Variants in PCDHA10 observed in about 807,000 individuals in gnomAD.
PCDHA10 encodes protocadherin alpha-10.
In PCDHA10, 45 loss-of-function variants were observed where a neutral mutation model predicts 61.2. The ratio of observed to expected loss-of-function variants is 0.74; its 90% CI spans 0.58 to 0.94. The LOEUF is 0.94. Ranked by LOEUF, PCDHA10 falls within the 40% of genes least tolerant of loss-of-function variation. The probability of loss-of-function intolerance (pLI) is 0.00; values close to 1 mark genes in which losing one functional copy is unlikely to be tolerated. For synonymous variants in PCDHA10, 602 were observed against 548.8 expected, an observed-to-expected ratio of 1.10 and a Z score of -1.35; for missense variants, 1,278 against 1,236.2, an observed-to-expected ratio of 1.03 and a Z score of -0.51.
At position 140,992,017 on chromosome 5, in the gene PCDHA10, CTGTGTGTG is replaced by C. The variant is rs10602499; in HGVS notation, c.2536+9484_2536+9491del. On this transcript the variant is annotated intron_variant, in intron 3 of 3. Coordinates refer to ENST00000307360, the MANE Select transcript of PCDHA10 (RefSeq NM_018901.4). ...CTTTCATGTTCAGGCAGAGGTGGCT[CTGTGTGTG>C]TGTGTGTGTGTGTGTGTGTGTGTGT... Among the ~76,000 whole-genome samples the C allele has an allele frequency of 9.8e-4, 142 of 145,616 alleles. No homozygotes were observed. The East Asian group carries it at 1.0e-2, about 10-fold the overall frequency.
intron 1 of PCDHA10, chr5:140,883,443 A>AT (rs1554178222): frequency 6.2e-7 from 1 of 1,614,136 alleles, no homozygotes; most frequent in Admixed American, 1.7e-5. Flanking sequence ...TTGACGCCGC[A>AT]TGTCCCCTTC....
intron 3 of PCDHA10, among the ~76,000 whole-genome samples, chr5:141,008,970 G>A (rs147776833): frequency 6.6e-6 from 1 of 152,236 alleles, no homozygotes; most frequent in East Asian, 1.9e-4. Flanking sequence ...TACATTTATA[G>A]CCAAAGTTTA....
intron 3 of PCDHA10, among the ~76,000 whole-genome samples, chr5:140,995,541 G>T (rs1444257516): frequency 6.6e-5 from 10 of 152,186 alleles, no homozygotes; most frequent in Non-Finnish European, 1.3e-4. Context: ...CAAATAAGGG[G>T]CGATCACTGT....
At chr5:140,990,668 G>A (rs1554251661) in intron 3 of PCDHA10, among the ~76,000 whole-genome samples, 1 of 152,178 alleles carries the variant, frequency 6.6e-6, no homozygotes, top group African/African-American at 2.4e-5. Flanking sequence ...TACATTAGAT[G>A]CACACCAAGC....
intron 1 of PCDHA10, chr5:140,929,740 A>G (rs2086345950): frequency 5.1e-6 from 1 of 196,656 alleles, no homozygotes; most frequent in African/African-American, 2.3e-5. Context: ...AACTATTGCA[A>G]TGCATTATTA....
intron 3 of PCDHA10, among the ~76,000 whole-genome samples, chr5:141,009,094 C>T (rs1350235475): frequency 6.6e-6 from 1 of 152,176 alleles, no homozygotes; most frequent in Non-Finnish European, 1.5e-5. Flanking sequence ...AAGAACCAAA[C>T]ATATGTTACT....
Position 140,979,960 on chromosome 5 carries a change from C to T in PCDHA10, c.2447+953C>T, listed in dbSNP as rs2096871601. 2.0e-5 allele frequency among the ~76,000 whole-genome samples: 3 copies of T among 152,266 alleles called. No homozygotes were observed. The South Asian group carries it at 6.2e-4, about 32-fold the overall frequency. ...AGAGTTAATGTGAAATTAGTTTTAG[C>T]CCATTAAAATGCATTAGATTGAAAT... On this transcript the variant is annotated intron_variant, in intron 2 of 3. Coordinates refer to ENST00000307360, the MANE Select transcript of PCDHA10 (RefSeq NM_018901.4).
chr5:140,917,260 G>A (rs2077984179), intron 1 of PCDHA10, among the ~76,000 whole-genome samples: 2 of 143,736 alleles, frequency 1.4e-5, no homozygotes, highest in South Asian at 4.4e-4. Flanking sequence ...CTCACCTGAT[G>A]TTTGGTTTTT....
Position 141,010,339 on chromosome 5 carries a change from A to C in PCDHA10, c.*402A>C. ...TTGAGCAGCTTGGGAGTTTGTGGCCACTGGGTATGTGTGGCTACCGCGGGT... is the reference window on the plus strand; with the variant it reads ...TTGAGCAGCTTGGGAGTTTGTGGCCCCTGGGTATGTGTGGCTACCGCGGGT... On this transcript the variant is annotated 3_prime_UTR_variant, in exon 4 of 4. Coordinates refer to ENST00000307360, the MANE Select transcript of PCDHA10 (RefSeq NM_018901.4). 6.5e-7 allele frequency: 1 copy of C among 1,534,060 alleles called. No homozygotes were observed. The highest frequency in any genetic ancestry group is 8.8e-7 in the Non-Finnish European group (1 of 1,140,682).
At chr5:140,869,631 G>A in intron 1 of PCDHA10, 1 of 1,613,652 alleles carries the variant, frequency 6.2e-7, no homozygotes, top group Non-Finnish European at 8.5e-7. Context: ...GTAAAAATGA[G>A]TATTTTTCTT....
chr5:140,879,078 A>G (rs1168166013), intron 1 of PCDHA10, among the ~76,000 whole-genome samples: 3 of 152,342 alleles, frequency 2.0e-5, no homozygotes, highest in African/African-American at 7.2e-5. Flanking sequence ...TAAGAGAGAT[A>G]AGTAGGAACA....
chr5:140,884,158 G>A (rs376345503), intron 1 of PCDHA10: 8 of 1,613,488 alleles, frequency 5.0e-6, no homozygotes, highest in African/African-American at 1.3e-5. Context: ...ACACTGGCGA[G>A]ATCAGCACGA....
chr5:140,980,598 C>G (rs574589264), intron 2 of PCDHA10, among the ~76,000 whole-genome samples: 1 of 152,152 alleles, frequency 6.6e-6, no homozygotes, highest in South Asian at 2.1e-4. Flanking sequence ...CCACTGCACT[C>G]CAGCCTGGCG....
chr5:140,875,882 A>G (rs2055902382), intron 1 of PCDHA10: 1 of 1,614,158 alleles, frequency 6.2e-7, no homozygotes, highest in Non-Finnish European at 8.5e-7. Flanking sequence ...AGAGAAAGGG[A>G]ACAAAAGGTA....
intron 1 of PCDHA10, chr5:140,928,484 G>A (rs1371678688): frequency 1.5e-5 from 25 of 1,614,026 alleles, no homozygotes; most frequent in African/African-American, 4.0e-5. Context: ...CGGGATGGTG[G>A]CATTCCTCCC....
chr5:140,875,915 TG>T, intron 1 of PCDHA10: 1 of 1,614,214 alleles, frequency 6.2e-7, no homozygotes, highest in Non-Finnish European at 8.5e-7. Context: ...TCTGCGCCTC[TG>T]GACTCTCATT....
At chr5:140,884,170 G>T (rs1333457358) in intron 1 of PCDHA10, 2 of 1,613,412 alleles carry the variant, frequency 1.2e-6, no homozygotes, top group Non-Finnish European at 8.5e-7. Context: ...TCAGCACGAC[G>T]CGCCCTCTGG....
chr5:140,857,954 C>G lies in PCDHA10; in HGVS notation c.1906C>G (p.Leu636Val). The G allele has an allele frequency of 6.3e-7, 1 of 1,597,286 alleles. No homozygotes were observed. The highest frequency in any genetic ancestry group is 1.1e-5 in the South Asian group (1 of 90,490). Residue 636 changes from leucine to valine, a missense_variant, in exon 1 of 4, where the codon CTG becomes GTG. Physicochemically the swap from Leu to Val is conservative, Grantham distance 32. Transcript: ENST00000307360. ...YTGEISTTRALDETDSPRQRL... is the reference protein window; with the variant it reads ...YTGEISTTRAVDETDSPRQRL... ...GGGCGAGATCAGTACGACGCGCGCT[C>G]TGGATGAGACTGACTCGCCACGCCA...
intron 1 of PCDHA10, chr5:140,882,709 T>G (rs782343997): frequency 6.2e-7 from 1 of 1,614,022 alleles, no homozygotes; most frequent in Non-Finnish European, 8.5e-7. Flanking sequence ...AATCTAGACC[T>G]CCGGAAACTC....
Sources: allele counts gnomAD v4.1 joint callset (sites outside exome capture counted in the v4.1 genomes callset), GRCh38; gene constraint gnomAD v4.1.1; transcripts MANE v1.5; gene names NCBI Gene and HGNC (gene_info 2026-07-23, HGNC 2026-07-21).